C12orf42: variants seen among roughly 807,000 people sequenced by gnomAD.
C12orf42 encodes uncharacterized protein C12orf42.
In C12orf42, 25 loss-of-function variants were observed where a neutral mutation model predicts 21.6. That is an observed-to-expected ratio of 1.16 (90% CI 0.84 to 1.62). The LOEUF is 1.62. C12orf42 is among the 40% of genes most tolerant of loss of function. The pLI, the probability that C12orf42 is intolerant of heterozygous loss-of-function variation, is 0.00. For synonymous variants in C12orf42, 174 were observed against 175.0 expected, an observed-to-expected ratio of 0.99 and a Z score of 0.05; for missense variants, 483 against 459.3, an observed-to-expected ratio of 1.05 and a Z score of -0.47.
At chr12:103,311,437 T>G (rs1005980107) in intron 4 of C12orf42, among the ~76,000 whole-genome samples, 1 of 151,998 alleles carries the variant, frequency 6.6e-6, no homozygotes, top group Non-Finnish European at 1.5e-5. Context: ...ACCAGAACCT[T>G]CTAGTGTCTC....
At chr12:103,468,241 T>C (rs1953295972) in intron 2 of C12orf42, among the ~76,000 whole-genome samples, 1 of 152,176 alleles carries the variant, frequency 6.6e-6, no homozygotes, top group Admixed American at 6.5e-5. Flanking sequence ...AAATTTTAAT[T>C]AGATGTAATG....
At chr12:103,383,374 G>C (rs1055843022) in intron 3 of C12orf42, among the ~76,000 whole-genome samples, 2 of 152,126 alleles carry the variant, frequency 1.3e-5, no homozygotes, top group African/African-American at 4.8e-5. Context: ...AAAGTGCTGG[G>C]ATTACAGGCT....
At chr12:103,299,368 A>G (rs965188919), downstream of C12orf42, among the ~76,000 whole-genome samples, 1 of 151,638 alleles carries the variant, frequency 6.6e-6, no homozygotes, top group African/African-American at 2.4e-5. Context: ...ATTATTTTAT[A>G]TATTATAAAA....
At chr12:103,472,297 G>A (rs534883281) in intron 2 of C12orf42, among the ~76,000 whole-genome samples, 138 of 151,752 alleles carry the variant, frequency 9.1e-4, no homozygotes, top group African/African-American at 2.5e-3. Context: ...CTCGTGATCC[G>A]CCCGCCTCGG....
intron 10 of C12orf42, among the ~76,000 whole-genome samples, chr12:103,242,952 C>G (rs1296689231): frequency 1.3e-5 from 2 of 152,086 alleles, no homozygotes; most frequent in Non-Finnish European, 2.9e-5. Flanking sequence ...TAATCTCCAG[C>G]ATTATTGTCA....
chr12:103,369,680 A>C (rs1177279157), intron 3 of C12orf42, among the ~76,000 whole-genome samples: 1 of 152,124 alleles, frequency 6.6e-6, no homozygotes, highest in Non-Finnish European at 1.5e-5. Context: ...AGCTACAAAG[A>C]TATTGGATAA....
At chr12:103,516,446 G>T in the C12orf42 span, among the ~76,000 whole-genome samples, 1 of 152,148 alleles carries the variant, frequency 6.6e-6, no homozygotes, top group Middle Eastern at 3.2e-3. Flanking sequence ...ATAAAGAAAT[G>T]CCCAAGACCT....
At chr12:103,456,632 A>G (rs1952314533) in intron 2 of C12orf42, among the ~76,000 whole-genome samples, 1 of 152,198 alleles carries the variant, frequency 6.6e-6, no homozygotes, top group African/African-American at 2.4e-5. Flanking sequence ...CAAAATATAA[A>G]GTAAATTAAC....
chr12:103,446,929 C>A (rs982094169), intron 2 of C12orf42, among the ~76,000 whole-genome samples: 1 of 151,960 alleles, frequency 6.6e-6, no homozygotes, highest in African/African-American at 2.4e-5. Context: ...CTTTAATACT[C>A]CATTGACAGC....
chr12:103,299,148 T>A (rs911288243), downstream of C12orf42, among the ~76,000 whole-genome samples: 2 of 152,060 alleles, frequency 1.3e-5, no homozygotes, highest in African/African-American at 4.8e-5. Flanking sequence ...ATAATACAGC[T>A]CTATGTATAA....
chr12:103,387,395 A>G (rs542771582), intron 3 of C12orf42, among the ~76,000 whole-genome samples: 3 of 152,356 alleles, frequency 2.0e-5, no homozygotes, highest in African/African-American at 7.2e-5. Flanking sequence ...CCTCGTGCAC[A>G]CATGCACAGA....
At chr12:103,426,460 G>T (rs542809621) in intron 2 of C12orf42, among the ~76,000 whole-genome samples, 2 of 152,364 alleles carry the variant, frequency 1.3e-5, no homozygotes, top group South Asian at 4.1e-4. Flanking sequence ...ATTGGACTAT[G>T]TGAAAAGACC....
chr12:103,298,351 C>T (rs1318780412), downstream of C12orf42, among the ~76,000 whole-genome samples: 8 of 152,202 alleles, frequency 5.3e-5, no homozygotes, highest in East Asian at 5.8e-4. Flanking sequence ...AACTCCCATT[C>T]GCAATTGCTT....
At chr12:103,083,236 T>C in the C12orf42 span, among the ~76,000 whole-genome samples, 1 of 151,992 alleles carries the variant, frequency 6.6e-6, no homozygotes, top group Non-Finnish European at 1.5e-5. Context: ...TGATGGTGGG[T>C]GCCTGTAATC....
chr12:103,502,389 T>C, the C12orf42 span, among the ~76,000 whole-genome samples: 1 of 152,196 alleles, frequency 6.6e-6, no homozygotes, highest in African/African-American at 2.4e-5. Context: ...ATAATTGTAA[T>C]GAAATGCAAG....
At chr12:103,505,281 C>T in the C12orf42 span, 1 of 255,048 alleles carries the variant, frequency 3.9e-6, no homozygotes. Flanking sequence ...ACTCCCCTCA[C>T]ATCAAGGGTT....
the C12orf42 span, among the ~76,000 whole-genome samples, chr12:103,508,487 C>T: frequency 6.6e-6 from 1 of 152,114 alleles, no homozygotes; most frequent in Non-Finnish European, 1.5e-5. Flanking sequence ...AATTTGAATA[C>T]CCATAACCAA....
intron 4 of C12orf42, among the ~76,000 whole-genome samples, chr12:103,323,778 G>T (rs1412373067): frequency 5.3e-5 from 8 of 152,190 alleles, no homozygotes; most frequent in Middle Eastern, 3.4e-3. Flanking sequence ...TAAGAAAAAA[G>T]AAAGCTAGTA....
chr12:103,146,610 A>AAGAAAGAAAGAAAGAT, the C12orf42 span, among the ~76,000 whole-genome samples: 71 of 147,804 alleles, frequency 4.8e-4, 1 homozygote, highest in South Asian at 2.8e-3. Context: ...GAAAGAAAGA[A>AAGAAAGAAAGAAAGAT]AAAGAAAAGT....
Sources: gnomAD v4.1 joint callset for allele counts (sites outside exome capture counted in the v4.1 genomes callset) on GRCh38, gnomAD v4.1.1 for gene constraint, MANE v1.5 for transcripts, NCBI Gene and HGNC (gene_info 2026-07-23, HGNC 2026-07-21) for gene names.